MCM4: variants seen among roughly 807,000 people sequenced by gnomAD.
The protein encoded by MCM4 is minichromosome maintenance complex component 4, also known as DNA replication licensing factor MCM4.
A neutral mutation model predicts 88.7 loss-of-function variants in MCM4; 60 were observed. The observed-to-expected ratio is 0.68, with a 90% CI of 0.55 to 0.84. MCM4 has a LOEUF of 0.84. Among genes scored for constraint, MCM4 ranks in the 40% least tolerant of loss-of-function variants. The probability of loss-of-function intolerance (pLI) is 0.00; values close to 1 mark genes in which losing one functional copy is unlikely to be tolerated. For missense variants in MCM4, 1,149 were observed against 1,105.5 expected, an observed-to-expected ratio of 1.04 and a Z score of -0.56; for synonymous variants, 465 against 410.5, an observed-to-expected ratio of 1.13 and a Z score of -1.61.
At chr8:47,967,514 G>C (rs757350320) in intron 10 of MCM4, 29 bp downstream of exon 10, 1 of 1,613,622 alleles carries the variant, frequency 6.2e-7, no homozygotes, top group Admixed American at 1.7e-5. Context: ...ACCAGCACTT[G>C]AGCATGTCTG....
chr8:47,975,644 T>C, intron 15 of MCM4, 71 bp from the exon 16 acceptor site: 1 of 1,219,658 alleles, frequency 8.2e-7, no homozygotes, highest in East Asian at 2.6e-5. Context: ...ACTAAAGGAA[T>C]ATTTTTGAGA....
In MCM4 at chr8:47,962,492, T is replaced by C. The variant is rs928221284; in HGVS notation, c.501+86T>C. 8.7e-6 allele frequency: 12 copies of C among 1,380,634 alleles called. No individual in the cohort carries two copies. The East Asian group carries it at 2.5e-4, about 29-fold the overall frequency. 85.5% of individuals were successfully genotyped at this position (1,380,634 alleles called of 1,614,324 possible). A position where few individuals can be genotyped will look rare whatever the true frequency, so the allele number is the denominator to read the frequency against. On this transcript the variant is annotated intron_variant, in intron 5 of 16. Transcript: ENST00000649973. ...ATAATCTATATCTAAGTAGCCATAA[T>C]GACTAGAAGGGCCACCTGTGGTGGC... is the stretch of plus-strand genomic sequence containing the variant.
chr8:47,976,632 G>A (rs1167059320), intron 16 of MCM4, 54 bp from the exon 17 acceptor site: 1 of 1,272,234 alleles, frequency 7.9e-7, no homozygotes, highest in African/African-American at 1.5e-5. Flanking sequence ...GTTTCTAACA[G>A]GTAAAGGAGG....
At chr8:47,964,188 A>C (rs942790272) in intron 7 of MCM4, among the ~76,000 whole-genome samples, 2 of 152,194 alleles carry the variant, frequency 1.3e-5, no homozygotes, top group African/African-American at 4.8e-5. Flanking sequence ...ATGCTGTTGC[A>C]CTCCAGCCTG....
In MCM4 at chr8:47,967,407, A is replaced by T; in HGVS notation, c.1096A>T (p.Thr366Ser). Residue 366 changes from threonine to serine, a missense_variant, in exon 10 of 17, where the codon ACA becomes TCA. Physicochemically the swap from Thr to Ser is moderately conservative, Grantham distance 58. Transcript: ENST00000649973. ...ESPEDMPAGQ[T>S]PHTVILFAHN... ...TCCGGAAGACATGCCTGCAGGGCAG[A>T]CACCACACACAGTTATCCTGTTTGC... is the stretch of plus-strand genomic sequence containing the variant. The T allele has an allele frequency of 6.2e-7, 1 of 1,614,190 alleles. No individual in the cohort carries two copies. Among genetic ancestry groups the T allele is most frequent in the Non-Finnish European group, 8.5e-7 (1 of 1,180,010 alleles).
At position 47,969,995 on chromosome 8, in the gene MCM4, A is replaced by G. The variant is rs1314215203; in HGVS notation, c.1372A>G (p.Ile458Val). The G allele has an allele frequency of 3.7e-6, 6 of 1,614,266 alleles. No homozygotes were observed. Among genetic ancestry groups the G allele is most frequent in the Non-Finnish European group, 2.5e-6 (3 of 1,180,032 alleles). ...LLKELSRKPD[I>V]YERLASALAP... is the part of the protein sequence containing the mutation. ...TAAGGAACTTTCCAGGAAACCAGACATTTATGAGAGGCTTGCTTCAGCCTT... is the reference window on the plus strand; with the variant it reads ...TAAGGAACTTTCCAGGAAACCAGACGTTTATGAGAGGCTTGCTTCAGCCTT... The change falls in exon 11 of 17, where the codon ATT becomes GTT. Residue 458 changes from isoleucine (I) to valine (V), a missense_variant. By Grantham distance (29) the Ile-to-Val change is conservative (BLOSUM62 3). Coordinates refer to ENST00000649973, the MANE Select transcript of MCM4 (RefSeq NM_182746.3).
In MCM4 at chr8:47,970,136, C is replaced by T. The variant is rs892705450; in HGVS notation, c.1434+79C>T. 38 of 1,481,020 alleles carry T rather than the reference C, an allele frequency of 2.6e-5. No homozygotes were observed. The South Asian group carries it at 3.0e-4, about 12-fold the overall frequency. The allele number at this position is 1,481,020 out of a possible 1,614,324, so 91.7% of individuals were successfully genotyped here. On this transcript the variant is annotated intron_variant, in intron 11 of 16. Coordinates refer to ENST00000649973, the MANE Select transcript of MCM4 (RefSeq NM_182746.3). ...TAGTATAAACATCCACTCCGCCACT[C>T]GAGCCATCCGCCATAAAGGACAGAG...
Position 47,966,363 on chromosome 8 carries a change from A to G in MCM4, c.1009A>G (p.Met337Val). Residue 337 changes from methionine to valine, a missense_variant, in exon 9 of 17, where the codon ATG becomes GTG. By Grantham distance (21) the Met-to-Val change is conservative. Around this residue, in one of 3 missense-constraint regions of MCM4, gnomAD observed 906 missense variants for 843.0 expected, o/e 1.07. Transcript: ENST00000649973. ...VCGRCHTTHS[M>V]ALIHNRSLFS... is the part of the protein sequence containing the mutation. ...CGGGCGCTGCCACACCACCCACAGC[A>G]TGGCACTCATCCACAACCGCTCCCT... 1.2e-6 allele frequency: 2 copies of G among 1,613,814 alleles called. No individual in the cohort carries two copies. Among genetic ancestry groups the G allele is most frequent in the Non-Finnish European group, 1.7e-6 (2 of 1,179,902 alleles).
At chr8:47,963,402 G>A (rs1254283361) in intron 7 of MCM4, among the ~76,000 whole-genome samples, 2 of 152,008 alleles carry the variant, frequency 1.3e-5, no homozygotes, top group East Asian at 1.9e-4. Flanking sequence ...GCAGTGAGCC[G>A]AGATGGCACC....
In MCM4 at chr8:47,962,045, T is replaced by G; in HGVS notation, c.236-8T>G. ...TGCCACCAGAATTTCCTAATTTTGT[T>G]TTTATAGCTATCCCTCTTGACTTTG... On this transcript the variant is annotated splice_polypyrimidine_tract_variant and splice_region_variant and intron_variant, in intron 3 of 16. Transcript: ENST00000649973. The G allele has an allele frequency of 1.9e-6, 3 of 1,613,704 alleles. No individual in the cohort carries two copies. In the South Asian group the frequency reaches 3.3e-5, roughly 18 times the overall value.
intron 15 of MCM4, 22 bp from the exon 16 acceptor site, chr8:47,975,693 C>T: frequency 2.0e-6 from 3 of 1,495,672 alleles, no homozygotes; most frequent in African/African-American, 1.5e-5. Flanking sequence ...AAAATGTTTT[C>T]ATTGATTTCT....
At chr8:47,963,074 G>A (rs12547781) in intron 7 of MCM4, 34 bp downstream of exon 7, 6 of 1,201,030 alleles carry the variant, frequency 5.0e-6, no homozygotes, top group Non-Finnish European at 7.2e-6. Flanking sequence ...ATGAATTTTA[G>A]TAACAGTCTA....
intron 15 of MCM4, 94 bp from the exon 16 acceptor site, chr8:47,975,621 T>C: frequency 1.1e-6 from 1 of 937,262 alleles, no homozygotes; most frequent in Non-Finnish European, 1.5e-6. Context: ...GCCTTATCTT[T>C]CTAGGTGATA....
At chr8:47,968,803 G>A (rs1399511740) in intron 10 of MCM4, among the ~76,000 whole-genome samples, 1 of 152,204 alleles carries the variant, frequency 6.6e-6, no homozygotes, top group Non-Finnish European at 1.5e-5. Flanking sequence ...GCAGGAATCA[G>A]CCTGGAGTTA....
At chr8:47,971,546 C>T in intron 13 of MCM4, 78 bp downstream of exon 13, 2 of 1,457,596 alleles carry the variant, frequency 1.4e-6, no homozygotes, top group East Asian at 4.6e-5. Flanking sequence ...AAGATTTCAG[C>T]AACTGCTAAT....
chr8:47,963,131 T>TGAAG lies in MCM4; in HGVS notation c.693+91_693+92insGAAG, dbSNP rs1203155367. ...AGAAATTCTTCAGTAATGAAGATAG[T>TGAAG]ATGCGCAAACACTTTAAGAAACTGA... On this transcript the variant is annotated intron_variant, in intron 7 of 16. Coordinates refer to ENST00000649973, the MANE Select transcript of MCM4 (RefSeq NM_182746.3). 2.2e-5 allele frequency: 17 copies of TGAAG among 763,202 alleles called. No individual in the cohort carries two copies. The African/African-American group carries it at 2.8e-4, about 13-fold the overall frequency. The allele number at this position is 763,202 out of a possible 1,614,324, so 47.3% of individuals were successfully genotyped here. A position where few individuals can be genotyped will look rare whatever the true frequency, so the allele number is the denominator to read the frequency against.
At chr8:47,963,192 C>T (rs1282096134) in intron 7 of MCM4, 152 bp downstream of exon 7, 3 of 571,724 alleles carry the variant, frequency 5.2e-6, no homozygotes, top group Non-Finnish European at 6.1e-6. Context: ...GTGGCTCACA[C>T]CTATAATCCC....
rs1014448193 is a variant in MCM4 at position 47,961,840 on chromosome 8, A to T, written c.235+160A>T. 2.8e-5 allele frequency: 30 copies of T among 1,064,206 alleles called. 1 individual carries two copies. Among genetic ancestry groups the T allele is most frequent in the Admixed American group, 1.4e-4 (5 of 36,192 alleles). The allele number at this position is 1,064,206 out of a possible 1,614,324, so 65.9% of individuals were successfully genotyped here. A position where few individuals can be genotyped will look rare whatever the true frequency, so the allele number is the denominator to read the frequency against. The stretch of plus-strand genomic sequence containing the variant: ...ACCAGAGGAGCTGAACGGAGTGCAG[A>T]AAATAGTAGTTTTAGGGCTTAGTGA... On this transcript the variant is annotated intron_variant, in intron 3 of 16. Coordinates refer to ENST00000649973, the MANE Select transcript of MCM4 (RefSeq NM_182746.3).
At position 47,966,209 on chromosome 8, in the gene MCM4, C is replaced by T. The variant is rs1329462969; in HGVS notation, c.855C>T (p.Ile285=). 1 of 1,613,760 alleles carries T rather than the reference C, an allele frequency of 6.2e-7. No homozygotes were observed. Among genetic ancestry groups the T allele is most frequent in the Non-Finnish European group, 8.5e-7 (1 of 1,179,732 alleles). The part of the protein sequence containing the change: ...NPEDIDQLIT[I]SGMVIRTSQL... Reference sequence around the variant, plus strand: ...CAGACATTGACCAGCTCATCACCATCAGCGGCATGGTGATCAGGACATCCC... The same window carrying T: ...CAGACATTGACCAGCTCATCACCATTAGCGGCATGGTGATCAGGACATCCC... The change falls in exon 9 of 17, where the codon ATC becomes ATT. Residue 285 remains isoleucine, a synonymous_variant. Coordinates refer to ENST00000649973, the MANE Select transcript of MCM4 (RefSeq NM_182746.3).
Sources: gnomAD v4.1 joint callset for allele counts (sites outside exome capture counted in the v4.1 genomes callset) on GRCh38, gnomAD v4.1.1 for gene constraint, gnomAD v4.1.1 regional missense constraint, MANE v1.5 for transcripts, NCBI Gene and HGNC (gene_info 2026-07-23, HGNC 2026-07-21) for gene names.